Variants in RFX2 observed in about 807,000 individuals in gnomAD.
RFX2 encodes regulatory factor X2.
In RFX2, 20 loss-of-function variants were observed where a neutral mutation model predicts 87.8. That is an observed-to-expected ratio of 0.23 (90% CI 0.16 to 0.33). RFX2 has a LOEUF of 0.33. RFX2 is among the 10% of genes least tolerant of loss of function. RFX2 has a pLI of 1.00. For synonymous variants in RFX2, 397 were observed against 431.3 expected (o/e 0.92, Z 0.98); for missense variants, 767 against 1,012.3 (o/e 0.76, Z 3.29).
At chr19:6,028,906 C>T (rs1379588572) in intron 5 of RFX2, among the ~76,000 whole-genome samples, 1 of 152,024 alleles carries the variant, frequency 6.6e-6, no homozygotes, top group South Asian at 2.1e-4. Flanking sequence ...GAAACCCTGT[C>T]TCTACTAAAA....
intron 3 of RFX2, among the ~76,000 whole-genome samples, 198 bp downstream of exon 3, chr19:6,043,995 T>G (rs1362624599): frequency 2.0e-5 from 3 of 152,196 alleles, no homozygotes; most frequent in Non-Finnish European, 4.4e-5. Flanking sequence ...CCAGCTTTCT[T>G]GGCTTTCTGC....
intron 1 of RFX2, among the ~76,000 whole-genome samples, chr19:6,105,372 G>A (rs1005678717): frequency 6.6e-6 from 1 of 152,082 alleles, no homozygotes; most frequent in African/African-American, 2.4e-5. Flanking sequence ...TGGGCAAAGA[G>A]CTTTCCAGGC....
At chr19:6,042,492 T>A (rs1006505711) in intron 3 of RFX2, among the ~76,000 whole-genome samples, 17 of 151,970 alleles carry the variant, frequency 1.1e-4, no homozygotes, top group Non-Finnish European at 2.1e-4. Context: ...TGTCCCTGGT[T>A]TCTGTTTTTT....
Position 6,039,264 on chromosome 19 carries a change from T to C in RFX2, c.522+716A>G, listed in dbSNP as rs1179163405. On this transcript the variant is annotated intron_variant, in intron 5 of 17. Transcript: ENST00000303657. This position sits in a 1 kb window ranked among gnomAD's most constrained non-coding sequence, Gnocchi z 5.2. ...TACACCACGCTAGTAAAGATGAAAC[T>C]ACAGCAATAGGGAACAGATCAGCAG... Among the ~76,000 whole-genome samples, 1 of 152,146 alleles carries C rather than the reference T, an allele frequency of 6.6e-6. No individual in the cohort carries two copies. The highest frequency in any genetic ancestry group is 1.5e-5 in the Non-Finnish European group (1 of 68,016).
intron 1 of RFX2, among the ~76,000 whole-genome samples, chr19:6,102,114 C>T (rs991528906): frequency 9.9e-5 from 15 of 152,142 alleles, no homozygotes; most frequent in Admixed American, 7.2e-4. Flanking sequence ...ACATGGGCCG[C>T]CCAGTCCTGA....
intron 5 of RFX2, among the ~76,000 whole-genome samples, chr19:6,033,408 T>A (rs1228872089): frequency 6.6e-6 from 1 of 152,174 alleles, no homozygotes; most frequent in Non-Finnish European, 1.5e-5. Context: ...TCTTAACAGC[T>A]TGTCAAGTGA....
chr19:6,010,056 A>G lies in RFX2; in HGVS notation c.1015+80T>C. On this transcript the variant is annotated intron_variant, in intron 9 of 17. Transcript: ENST00000303657. The surrounding 1 kb of genome is among the most constrained non-coding windows in gnomAD (Gnocchi z 5.0). ...TGTCGGAAGCAGACGCTTAGACACC[A>G]CTGGTTCTGCTGGTGTTGAAACCCA... 1 of 819,398 alleles carries G rather than the reference A, an allele frequency of 1.2e-6. No individual in the cohort carries two copies. Among genetic ancestry groups the G allele is most frequent in the Non-Finnish European group, 2.0e-6 (1 of 511,786 alleles). 50.8% of individuals were successfully genotyped at this position (819,398 alleles called of 1,614,324 possible).
At position 6,001,104 on chromosome 19, in the gene RFX2, G is replaced by A. The variant is rs1357323067; in HGVS notation, c.1859+711C>T. 6.6e-6 allele frequency among the ~76,000 whole-genome samples: 1 copy of A among 152,156 alleles called. No individual in the cohort carries two copies. The highest frequency in any genetic ancestry group is 1.5e-5 in the Non-Finnish European group (1 of 68,030). ...TTCCCTTCAGAGCTCTCAGGACATC[G>A]CTCTACTGCCTTCTGGGTTTCTGCA... On this transcript the variant is annotated intron_variant, in intron 15 of 17. Transcript: ENST00000303657. This position sits in a 1 kb window ranked among gnomAD's most constrained non-coding sequence, Gnocchi z 5.6.
At chr19:6,043,538 G>C (rs1370987755) in intron 3 of RFX2, among the ~76,000 whole-genome samples, 3 of 152,244 alleles carry the variant, frequency 2.0e-5, no homozygotes, top group Non-Finnish European at 4.4e-5. Context: ...CTGGCCCACT[G>C]CCTGTTTTTG....
In RFX2 at chr19:6,021,377, C is replaced by T. The variant is rs2086808557; in HGVS notation, c.597+4786G>A. ...CGTCCGTTCTTGTCTGGCAGAGACC[C>T]ACAATAAATAAGTAAAATGAACCGA... On this transcript the variant is annotated intron_variant, in intron 6 of 17. Transcript: ENST00000303657. The surrounding 1 kb of genome is among the most constrained non-coding windows in gnomAD (Gnocchi z 5.7). 6.6e-6 allele frequency among the ~76,000 whole-genome samples: 1 copy of T among 152,162 alleles called. No individual in the cohort carries two copies. The highest frequency in any genetic ancestry group is 1.5e-5 in the Non-Finnish European group (1 of 68,038).
intron 3 of RFX2, 43 bp from the exon 4 acceptor site, chr19:6,042,166 G>T: frequency 6.4e-7 from 1 of 1,550,440 alleles, no homozygotes; most frequent in Non-Finnish European, 8.9e-7. Flanking sequence ...TCACGCCCTC[G>T]TGAGTTGCCT....
intron 1 of RFX2, among the ~76,000 whole-genome samples, chr19:6,082,074 G>A (rs1029733310): frequency 1.4e-4 from 21 of 151,998 alleles, no homozygotes; most frequent in African/African-American, 5.1e-4. Flanking sequence ...TAGCCTAGGC[G>A]ACAGAGTGAG....
At chr19:6,087,146 T>C (rs1015926237) in intron 1 of RFX2, among the ~76,000 whole-genome samples, 1 of 152,122 alleles carries the variant, frequency 6.6e-6, no homozygotes, top group Non-Finnish European at 1.5e-5. Flanking sequence ...CACAGGCAGA[T>C]GGTCGCAGCG....
At chr19:6,102,054 A>G (rs995822022) in intron 1 of RFX2, among the ~76,000 whole-genome samples, 1 of 152,198 alleles carries the variant, frequency 6.6e-6, no homozygotes, top group South Asian at 2.1e-4. Flanking sequence ...CAAATACTCT[A>G]TGATTCCACT....
At chr19:6,099,882 G>C (rs1416809481) in intron 1 of RFX2, among the ~76,000 whole-genome samples, 6 of 152,174 alleles carry the variant, frequency 3.9e-5, no homozygotes, top group Non-Finnish European at 7.3e-5. Context: ...GCAATGTCTG[G>C]AAACAGTTGG....
intron 5 of RFX2, among the ~76,000 whole-genome samples, chr19:6,033,423 A>G (rs1409051308): frequency 6.6e-6 from 1 of 152,220 alleles, no homozygotes; most frequent in Non-Finnish European, 1.5e-5. Context: ...AAGTGAGGTT[A>G]TGTCACTTCA....
At chr19:6,057,200 T>C (rs752814080) in intron 1 of RFX2, 2 of 152,180 alleles carry the variant, frequency 1.3e-5, no homozygotes, top group Non-Finnish European at 2.9e-5. Context: ...AACGCGCCAG[T>C]GGGAACATCT....
chr19:6,107,299 C>G (rs886072529), intron 1 of RFX2, among the ~76,000 whole-genome samples: 4 of 149,750 alleles, frequency 2.7e-5, no homozygotes, highest in Non-Finnish European at 5.9e-5. Flanking sequence ...CTGTCTCAAA[C>G]AAACAAACAA....
chr19:6,086,264 C>T (rs1168089775), intron 1 of RFX2, among the ~76,000 whole-genome samples: 2 of 152,104 alleles, frequency 1.3e-5, no homozygotes, highest in South Asian at 2.1e-4. Context: ...GACAGGGATA[C>T]GTTCTCAGCA....
Sources: allele counts gnomAD v4.1 joint callset (sites outside exome capture counted in the v4.1 genomes callset), GRCh38; gene constraint gnomAD v4.1.1; non-coding constraint Gnocchi (gnomAD v3.1); transcripts MANE v1.5; gene names NCBI Gene and HGNC (gene_info 2026-07-23, HGNC 2026-07-21).